HMOX2: variants seen among roughly 807,000 people sequenced by gnomAD.
HMOX2 encodes heme oxygenase 2.
HMOX2 carries 30 observed loss-of-function variants against 33.7 expected under a neutral mutation model. That is an observed-to-expected ratio of 0.89 (90% CI 0.67 to 1.21). The LOEUF is 1.21. Ranked by LOEUF, HMOX2 falls within the 50% of genes most tolerant of loss-of-function variation. HMOX2 has a pLI of 0.00. For synonymous variants in HMOX2, 155 were observed against 155.0 expected, an observed-to-expected ratio of 1.00 and a Z score of 0.00; for missense variants, 403 against 399.1, an observed-to-expected ratio of 1.01 and a Z score of -0.08.
At chr16:4,495,560 C>T (rs1339911006) in intron 1 of HMOX2, 1 of 152,088 alleles carries the variant, frequency 6.6e-6, no homozygotes, top group Non-Finnish European at 1.5e-5. Flanking sequence ...CCTTGCAGGC[C>T]CAGAGTGAGA....
intron 1 of HMOX2, among the ~76,000 whole-genome samples, chr16:4,486,593 T>C (rs963165582): frequency 2.0e-5 from 3 of 152,182 alleles, no homozygotes; most frequent in Non-Finnish European, 2.9e-5. Context: ...GGAAATGATA[T>C]GTGAAAGAGT....
intron 1 of HMOX2, among the ~76,000 whole-genome samples, chr16:4,493,364 T>C (rs117084433): frequency 6.6e-6 from 1 of 152,336 alleles, no homozygotes; most frequent in East Asian, 1.9e-4. Flanking sequence ...CCATTAATTT[T>C]AAATTGCAAG....
chr16:4,491,272 C>A (rs573999419), intron 1 of HMOX2, among the ~76,000 whole-genome samples: 112 of 152,246 alleles, frequency 7.4e-4, no homozygotes, highest in Non-Finnish European at 1.1e-3. Context: ...TACTGGAGGG[C>A]CCTTCACCTA....
chr16:4,496,884 G>C (rs369387169), intron 1 of HMOX2: 1 of 149,792 alleles, frequency 6.7e-6, no homozygotes, highest in Non-Finnish European at 1.5e-5. Context: ...TTGTAGAGAC[G>C]GGGGGTCTCA....
chr16:4,481,366 G>T (rs986712500), intron 1 of HMOX2, among the ~76,000 whole-genome samples: 30 of 133,196 alleles, frequency 2.3e-4, no homozygotes, highest in Admixed American at 1.4e-3. Flanking sequence ...AAAAAAAAAA[G>T]AAAAAAATAA....
At chr16:4,476,058 T>C (rs1288431075), upstream of HMOX2, 2 of 152,222 alleles carry the variant, frequency 1.3e-5, no homozygotes, top group Admixed American at 6.5e-5. Context: ...GTTTCGCAGA[T>C]TGCATTGGCA....
intron 1 of HMOX2, among the ~76,000 whole-genome samples, chr16:4,478,800 T>G (rs967281393): frequency 2.0e-5 from 3 of 150,452 alleles, no homozygotes; most frequent in Admixed American, 6.6e-5. Context: ...AAATTAGAAT[T>G]GTGTATTTCA....
At chr16:4,498,102 T>C (rs535237471) in intron 1 of HMOX2, among the ~76,000 whole-genome samples, 37 of 147,324 alleles carry the variant, frequency 2.5e-4, no homozygotes, top group African/African-American at 9.3e-4. Context: ...AGTCTTGCTC[T>C]GTTGTGCAGG....
chr16:4,490,058 C>T (rs2058268481), intron 1 of HMOX2, among the ~76,000 whole-genome samples: 1 of 152,076 alleles, frequency 6.6e-6, no homozygotes, highest in South Asian at 2.1e-4. Context: ...AGTAGGAGGC[C>T]AAGATAAATG....
intron 1 of HMOX2, among the ~76,000 whole-genome samples, chr16:4,504,036 C>T (rs1172376051): frequency 1.3e-5 from 2 of 152,198 alleles, no homozygotes; most frequent in East Asian, 1.9e-4. Flanking sequence ...GCAGAAGCCC[C>T]GAGGGATGGA....
intron 1 of HMOX2, among the ~76,000 whole-genome samples, chr16:4,478,796 G>A (rs1020254197): frequency 1.3e-5 from 2 of 150,134 alleles, no homozygotes; most frequent in Admixed American, 6.7e-5. Flanking sequence ...AAGAAAATTA[G>A]AATTGTGTAT....
intron 1 of HMOX2, among the ~76,000 whole-genome samples, chr16:4,485,410 A>C (rs2058143059): frequency 6.6e-6 from 1 of 152,248 alleles, no homozygotes; most frequent in Admixed American, 6.5e-5. Flanking sequence ...CAACAAACCA[A>C]GCATAGTCTT....
At chr16:4,489,810 A>C (rs1336079872) in intron 1 of HMOX2, among the ~76,000 whole-genome samples, 1 of 151,654 alleles carries the variant, frequency 6.6e-6, no homozygotes, top group Admixed American at 6.6e-5. Flanking sequence ...AGAGATCTCC[A>C]TATGTTACCC....
rs763959489 is a variant in HMOX2 at position 4,507,899 on chromosome 16, G to C, written c.391G>C (p.Ala131Pro). 1.2e-6 allele frequency: 2 copies of C among 1,614,048 alleles called. No individual in the cohort carries two copies. The highest frequency in any genetic ancestry group is 1.7e-5 in the Admixed American group (1 of 59,996). The part of the protein sequence containing the change: ...WEEQVQCPKA[A>P]QKYVERIHYI... ...GGAGCAGGTGCAGTGCCCCAAGGCTGCCCAGAAGTACGTGGAGCGGATCCA... is the reference window on the plus strand; with the variant it reads ...GGAGCAGGTGCAGTGCCCCAAGGCTCCCCAGAAGTACGTGGAGCGGATCCA... The change falls in exon 4 of 6, where the codon GCC (alanine) becomes CCC (proline). Residue 131 changes from alanine (A) to proline (P), a missense_variant. Ala to Pro is a conservative substitution (Grantham distance 27, BLOSUM62 -1). Coordinates refer to ENST00000570646, the MANE Select transcript of HMOX2 (RefSeq NM_002134.4).
intron 1 of HMOX2, among the ~76,000 whole-genome samples, chr16:4,499,433 A>G (rs1055242061): frequency 6.6e-6 from 1 of 152,212 alleles, no homozygotes; most frequent in Admixed American, 6.5e-5. Context: ...GCATGATATC[A>G]CTTATATGTG....
intron 1 of HMOX2, among the ~76,000 whole-genome samples, chr16:4,490,996 A>C (rs974512592): frequency 6.6e-6 from 1 of 152,094 alleles, no homozygotes; most frequent in African/African-American, 2.4e-5. Context: ...TCTACCCACT[A>C]TTGTCAGTAG....
intron 1 of HMOX2, among the ~76,000 whole-genome samples, chr16:4,498,565 A>G (rs1000824869): frequency 3.3e-5 from 5 of 151,546 alleles, no homozygotes; most frequent in African/African-American, 1.2e-4. Flanking sequence ...CGTAGAGACA[A>G]GGTCTGACTG....
chr16:4,484,492 G>A (rs17887038), intron 1 of HMOX2, among the ~76,000 whole-genome samples: 81 of 125,996 alleles, frequency 6.4e-4, no homozygotes, highest in Non-Finnish European at 9.5e-4. Context: ...ACGGAGTCTT[G>A]CACTGTCACC....
At chr16:4,484,210 A>G (rs1567381655) in intron 1 of HMOX2, among the ~76,000 whole-genome samples, 1 of 151,474 alleles carries the variant, frequency 6.6e-6, no homozygotes, top group Admixed American at 6.6e-5. Context: ...TCCTGACCTC[A>G]TGATCCACCC....
Sources: allele counts gnomAD v4.1 joint callset (sites outside exome capture counted in the v4.1 genomes callset), GRCh38; gene constraint gnomAD v4.1.1; transcripts MANE v1.5; gene names NCBI Gene and HGNC (gene_info 2026-07-23, HGNC 2026-07-21).